The following PLXDC2 variants were observed in gnomAD, a reference collection of about 807,000 sequenced individuals.
PLXDC2 encodes the protein plexin domain containing 2.
Under a neutral mutation model 68.9 loss-of-function variants are expected in PLXDC2, and 40 were observed. That is an observed-to-expected ratio of 0.58 (90% CI 0.45 to 0.76). The LOEUF is 0.76. Ranked by LOEUF, PLXDC2 falls within the 30% of genes least tolerant of loss-of-function variation. The probability of loss-of-function intolerance (pLI) is 0.00; values close to 1 mark genes in which losing one functional copy is unlikely to be tolerated. For missense variants in PLXDC2, 644 were observed against 661.9 expected (o/e 0.97, Z 0.30); for synonymous variants, 243 against 234.2 (o/e 1.04, Z -0.34).
intron 11 of PLXDC2, among the ~76,000 whole-genome samples, chr10:20,218,714 A>C (rs1235892511): frequency 6.6e-6 from 1 of 152,134 alleles, no homozygotes; most frequent in East Asian, 1.9e-4. Flanking sequence ...ATTTTTTAAA[A>C]TGAATAAATA....
intron 1 of PLXDC2, among the ~76,000 whole-genome samples, chr10:19,821,489 T>C (rs1169920958): frequency 6.6e-6 from 1 of 152,206 alleles, no homozygotes; most frequent in East Asian, 1.9e-4. Context: ...CATTTCTACC[T>C]CTCTCTCATG....
chr10:19,984,074 A>T (rs1296202186), intron 1 of PLXDC2, among the ~76,000 whole-genome samples: 1 of 152,200 alleles, frequency 6.6e-6, no homozygotes, highest in Non-Finnish European at 1.5e-5. Flanking sequence ...GTGTCAGGCA[A>T]GAAAAAGCAG....
At chr10:20,076,770 A>G (rs1589617626) in intron 4 of PLXDC2, among the ~76,000 whole-genome samples, 1 of 152,170 alleles carries the variant, frequency 6.6e-6, no homozygotes, top group African/African-American at 2.4e-5. Context: ...ATGTCTGGGA[A>G]GTAGAATAGC....
chr10:20,008,719 C>T (rs979176422), intron 2 of PLXDC2, among the ~76,000 whole-genome samples: 19 of 152,102 alleles, frequency 1.2e-4, no homozygotes, highest in Non-Finnish European at 1.5e-5. Flanking sequence ...TTGTATAGCT[C>T]CCATAATTCC....
intron 9 of PLXDC2, 98 bp downstream of exon 9, chr10:20,177,507 C>T: frequency 2.0e-6 from 1 of 489,988 alleles, no homozygotes; most frequent in Non-Finnish European, 3.0e-6. Flanking sequence ...GTGGCTCACA[C>T]TTGTAATCCC....
intron 1 of PLXDC2, among the ~76,000 whole-genome samples, chr10:19,989,898 C>T (rs943876803): frequency 6.6e-6 from 1 of 151,688 alleles, no homozygotes. Context: ...TGCAAGCATT[C>T]GCCACCATGC....
intron 13 of PLXDC2, among the ~76,000 whole-genome samples, chr10:20,260,500 C>T (rs1174784218): frequency 1.3e-5 from 2 of 152,240 alleles, no homozygotes; most frequent in African/African-American, 4.8e-5. Context: ...TCTCCAGGTT[C>T]ATCTACGTTG....
At chr10:19,898,042 A>G (rs926503056) in intron 1 of PLXDC2, among the ~76,000 whole-genome samples, 4 of 152,196 alleles carry the variant, frequency 2.6e-5, no homozygotes, top group African/African-American at 9.7e-5. Context: ...CACATACTTG[A>G]AAGTTTATTT....
intron 2 of PLXDC2, among the ~76,000 whole-genome samples, chr10:20,020,007 T>C (rs1468391749): frequency 7.3e-6 from 1 of 137,494 alleles, no homozygotes; most frequent in Non-Finnish European, 1.6e-5. Context: ...ATCTCTTTTC[T>C]TTTCTTGCTT....
At chr10:19,936,224 C>A (rs1324405343) in intron 1 of PLXDC2, among the ~76,000 whole-genome samples, 1 of 152,186 alleles carries the variant, frequency 6.6e-6, no homozygotes, top group Non-Finnish European at 1.5e-5. Flanking sequence ...CCTGTGTACT[C>A]TGCTCTGGAA....
intron 4 of PLXDC2, among the ~76,000 whole-genome samples, chr10:20,115,126 G>A (rs998493319): frequency 5.9e-5 from 9 of 152,242 alleles, no homozygotes; most frequent in South Asian, 2.1e-4. Context: ...GATAGTAGTC[G>A]TGTTGCCATA....
At chr10:20,242,161 A>T (rs926233835) in intron 12 of PLXDC2, among the ~76,000 whole-genome samples, 2 of 152,214 alleles carry the variant, frequency 1.3e-5, no homozygotes, top group Admixed American at 1.3e-4. Flanking sequence ...GCACTGTGTC[A>T]TACTCTTATA....
chr10:19,932,262 C>T (rs1480516492), intron 1 of PLXDC2, among the ~76,000 whole-genome samples: 1 of 151,972 alleles, frequency 6.6e-6, no homozygotes. Flanking sequence ...ATTTTTTTCA[C>T]TCCTCTATTT....
rs71388870 is a variant in PLXDC2 at position 19,829,154 on chromosome 10, CTTTTTTTT to C, written c.112+11981_112+11988del. On this transcript the variant is annotated intron_variant, in intron 1 of 13. Coordinates refer to ENST00000377252, the MANE Select transcript of PLXDC2 (RefSeq NM_032812.9). ...ACCTCTTTTTGGTGCACGCTTTCCT[CTTTTTTTT>C]TTTTTTTTTTTTTTTTTGGCTTTTT... is the stretch of plus-strand genomic sequence containing the variant. Among the ~76,000 whole-genome samples, 516 of 94,414 alleles carry C rather than the reference CTTTTTTTT, an allele frequency of 5.5e-3. 1 individual carries two copies. Among genetic ancestry groups the C allele is most frequent in the Admixed American group, 0.022 (169 of 7,828 alleles). The allele number at this position is 94,414 out of a possible 152,430, so 61.9% of individuals were successfully genotyped here. A position where few individuals can be genotyped will look rare whatever the true frequency, so the allele number is the denominator to read the frequency against.
At chr10:20,098,956 C>T (rs922704993) in intron 4 of PLXDC2, among the ~76,000 whole-genome samples, 2 of 151,610 alleles carry the variant, frequency 1.3e-5, no homozygotes, top group African/African-American at 4.8e-5. Flanking sequence ...AATCATGAAG[C>T]CAAAAGCTGA....
At chr10:20,155,168 A>T (rs532236101) in intron 6 of PLXDC2, among the ~76,000 whole-genome samples, 79 of 152,328 alleles carry the variant, frequency 5.2e-4, no homozygotes, top group Non-Finnish European at 9.0e-4. Flanking sequence ...GGGGCTCTTA[A>T]TGCATTTTTT....
intron 2 of PLXDC2, among the ~76,000 whole-genome samples, chr10:20,004,728 T>TAAG (rs1204816910): frequency 1.3e-5 from 2 of 152,182 alleles, no homozygotes; most frequent in Non-Finnish European, 2.9e-5. Flanking sequence ...ATTTATAAAA[T>TAAG]AAGAAATCTC....
chr10:20,072,508 A>AAAGT (rs1240494496), intron 4 of PLXDC2, among the ~76,000 whole-genome samples: 1 of 93,520 alleles, frequency 1.1e-5, no homozygotes, highest in African/African-American at 9.3e-5. Flanking sequence ...AGAAAGAAAG[A>AAAGT]AAGAAAGAAA....
At chr10:19,819,506 A>T (rs193219649) in intron 1 of PLXDC2, among the ~76,000 whole-genome samples, 1 of 152,362 alleles carries the variant, frequency 6.6e-6, no homozygotes, top group Admixed American at 6.5e-5. Flanking sequence ...AGCAGTCTTG[A>T]CGTTTGTCAT....
Sources: gnomAD v4.1 joint callset for allele counts (sites outside exome capture counted in the v4.1 genomes callset) on GRCh38, gnomAD v4.1.1 for gene constraint, MANE v1.5 for transcripts, NCBI Gene and HGNC (gene_info 2026-07-23, HGNC 2026-07-21) for gene names.